ZCCHC7: variants seen among roughly 807,000 people sequenced by gnomAD.
ZCCHC7 encodes zinc finger CCHC domain-containing protein 7.
ZCCHC7 carries 35 observed loss-of-function variants against 52.0 expected under a neutral mutation model. The observed-to-expected ratio is 0.67, with a 90% CI of 0.51 to 0.89. The LOEUF is 0.89. Ranked by LOEUF, ZCCHC7 falls within the 40% of genes least tolerant of loss-of-function variation. The pLI, the probability that ZCCHC7 is intolerant of heterozygous loss-of-function variation, is 0.00. For synonymous variants in ZCCHC7, 217 were observed against 221.5 expected, an observed-to-expected ratio of 0.98 and a Z score of 0.18; for missense variants, 574 against 649.1, an observed-to-expected ratio of 0.88 and a Z score of 1.26.
At chr9:37,146,694 A>G (rs1381237570) in intron 2 of ZCCHC7, among the ~76,000 whole-genome samples, 1 of 151,708 alleles carries the variant, frequency 6.6e-6, no homozygotes, top group Non-Finnish European at 1.5e-5. Context: ...CATTTTCTCA[A>G]GCTCTTTGGA....
At chr9:37,246,861 C>T (rs1386391443) in intron 2 of ZCCHC7, among the ~76,000 whole-genome samples, 4 of 151,892 alleles carry the variant, frequency 2.6e-5, no homozygotes, top group Admixed American at 6.6e-5. Context: ...TACTGTGGGA[C>T]GACTGTATAT....
intron 2 of ZCCHC7, among the ~76,000 whole-genome samples, chr9:37,290,884 T>A (rs1828504106): frequency 6.6e-6 from 1 of 152,216 alleles, no homozygotes; most frequent in African/African-American, 2.4e-5. Flanking sequence ...CATTACTTAT[T>A]CATTATTTCC....
At chr9:37,306,762 CTTTTTTTTT>C (rs869292704) in intron 5 of ZCCHC7, among the ~76,000 whole-genome samples, 27 of 52,026 alleles carry the variant, frequency 5.2e-4, no homozygotes, top group Non-Finnish European at 6.7e-4. Context: ...TGTACCCGAC[CTTTTTTTTT>C]TTTTTTTTTT....
At chr9:37,272,911 C>T (rs1219785984) in intron 2 of ZCCHC7, among the ~76,000 whole-genome samples, 4 of 152,150 alleles carry the variant, frequency 2.6e-5, no homozygotes, top group Admixed American at 6.5e-5. Context: ...TATTCGTTCT[C>T]TTACTGATGG....
intron 2 of ZCCHC7, among the ~76,000 whole-genome samples, chr9:37,276,549 CT>C (rs991055088): frequency 1.3e-5 from 2 of 152,124 alleles, no homozygotes; most frequent in African/African-American, 4.8e-5. Flanking sequence ...TATTATAGAG[CT>C]TTTTACCTAG....
chr9:37,204,811 G>A (rs557715734), intron 2 of ZCCHC7, among the ~76,000 whole-genome samples: 1 of 152,298 alleles, frequency 6.6e-6, no homozygotes, highest in East Asian at 1.9e-4. Flanking sequence ...GGCTTCATAT[G>A]AATTTTAAAG....
Position 37,356,902 on chromosome 9 carries a change from C to T in ZCCHC7, c.1266C>T (p.Asn422=). The T allele has an allele frequency of 1.9e-6, 3 of 1,613,468 alleles. No individual in the cohort carries two copies. The highest frequency in any genetic ancestry group is 2.2e-5 in the East Asian group (1 of 44,856). Residue 422 remains asparagine, a synonymous_variant, in exon 9 of 9, where the codon AAC becomes AAT. Transcript: ENST00000336755. The part of the protein sequence containing the change: ...KLPYIKAANE[N]PHHDIRKGRA... Reference sequence around the variant, plus strand: ...CTTATATAAAAGCAGCAAATGAGAACCCCCACCATGATATAAGGAAGGGCC... The same window carrying T: ...CTTATATAAAAGCAGCAAATGAGAATCCCCACCATGATATAAGGAAGGGCC...
At chr9:37,334,911 A>C (rs1049678941) in intron 6 of ZCCHC7, among the ~76,000 whole-genome samples, 2 of 152,122 alleles carry the variant, frequency 1.3e-5, no homozygotes, top group Non-Finnish European at 2.9e-5. Context: ...AATTATTTAA[A>C]GTGAGTGTTT....
chr9:37,206,842 T>C (rs1215532408), intron 2 of ZCCHC7, among the ~76,000 whole-genome samples: 1 of 152,098 alleles, frequency 6.6e-6, no homozygotes, highest in East Asian at 1.9e-4. Context: ...TTCCTTTCTC[T>C]CCAGGATCAC....
chr9:37,260,277 A>G (rs1035507360), intron 2 of ZCCHC7, among the ~76,000 whole-genome samples: 2 of 152,164 alleles, frequency 1.3e-5, no homozygotes, highest in Non-Finnish European at 2.9e-5. Flanking sequence ...CATCATTGCC[A>G]TTGCCAATCT....
intron 2 of ZCCHC7, among the ~76,000 whole-genome samples, chr9:37,151,794 G>A (rs554953531): frequency 3.4e-4 from 52 of 152,056 alleles, no homozygotes; most frequent in Non-Finnish European, 6.2e-4. Flanking sequence ...AACAGGGTGA[G>A]ACTCCATCTC....
intron 2 of ZCCHC7, among the ~76,000 whole-genome samples, chr9:37,153,963 C>T (rs1039119928): frequency 4.6e-5 from 7 of 152,160 alleles, no homozygotes; most frequent in Admixed American, 1.3e-4. Flanking sequence ...AATCACGGTT[C>T]ATTGCAGCCT....
chr9:37,211,746 G>C (rs1007515353), intron 2 of ZCCHC7, among the ~76,000 whole-genome samples: 6 of 151,986 alleles, frequency 3.9e-5, no homozygotes, highest in Admixed American at 1.3e-4. Flanking sequence ...TCTGTGGCTA[G>C]GGCCGGGCGC....
At position 37,134,256 on chromosome 9, in the gene ZCCHC7, T is replaced by C. The variant is rs538046482; in HGVS notation, c.610+7314T>C. 1.3e-4 allele frequency among the ~76,000 whole-genome samples: 20 copies of C among 152,302 alleles called. 1 individual carries two copies. The South Asian group carries it at 4.1e-3, about 32-fold the overall frequency. On this transcript the variant is annotated intron_variant, in intron 2 of 8. Transcript: ENST00000336755. ...GTTCCCCTTAATCTCTTCCTTTTTT[T>C]AATTTCTTGTAATTTGTTGTAATAC...
At chr9:37,132,080 G>A (rs751288605) in intron 2 of ZCCHC7, among the ~76,000 whole-genome samples, 4 of 151,546 alleles carry the variant, frequency 2.6e-5, no homozygotes, top group South Asian at 2.1e-4. Context: ...CTTGATTCCC[G>A]CCCCTTCCTT....
intron 4 of ZCCHC7, among the ~76,000 whole-genome samples, chr9:37,304,924 C>CTTGTA (rs1310966010): frequency 6.6e-6 from 1 of 152,046 alleles, no homozygotes; most frequent in Non-Finnish European, 1.5e-5. Context: ...ACTTCTAAAC[C>CTTGTA]TTGTACTTCA....
intron 6 of ZCCHC7, among the ~76,000 whole-genome samples, chr9:37,329,741 A>G (rs773057522): frequency 1.1e-4 from 16 of 151,882 alleles, no homozygotes; most frequent in Non-Finnish European, 2.1e-4. Flanking sequence ...TGATGATTTT[A>G]GTCATCTTCA....
chr9:37,226,119 A>G (rs1825083971), intron 2 of ZCCHC7, among the ~76,000 whole-genome samples: 1 of 152,254 alleles, frequency 6.6e-6, no homozygotes, highest in Non-Finnish European at 1.5e-5. Flanking sequence ...CAAGGTCAGT[A>G]TTCAACAACT....
intron 2 of ZCCHC7, among the ~76,000 whole-genome samples, chr9:37,270,317 T>C (rs1827341636): frequency 1.3e-5 from 2 of 152,162 alleles, no homozygotes; most frequent in African/African-American, 4.8e-5. Context: ...TGTCTACATA[T>C]TATCAGAGTC....
Sources: allele counts gnomAD v4.1 joint callset (sites outside exome capture counted in the v4.1 genomes callset), GRCh38; gene constraint gnomAD v4.1.1; transcripts MANE v1.5; gene names NCBI Gene and HGNC (gene_info 2026-07-23, HGNC 2026-07-21).